The following KIAA2012 variants were observed in gnomAD, a reference collection of about 807,000 sequenced individuals.
KIAA2012 encodes KIAA2012, also known as uncharacterized protein KIAA2012.
In KIAA2012, 125 loss-of-function variants were observed where a neutral mutation model predicts 150.6. The observed-to-expected ratio is 0.83, with a 90% confidence interval of 0.72 to 0.96. The LOEUF (loss-of-function observed/expected upper bound fraction) is 0.96, where lower values mean the gene tolerates loss of function less well. Among genes scored for constraint, KIAA2012 ranks in the 40% least tolerant of loss-of-function variants. KIAA2012 has a pLI of 0.00. For missense variants in KIAA2012, 1,219 were observed against 1,354.9 expected (o/e 0.90, Z 1.57); for synonymous variants, 462 against 504.7 (o/e 0.92, Z 1.13).
At chr2:202,152,309 G>A (rs1691443184) in intron 13 of KIAA2012, among the ~76,000 whole-genome samples, 1 of 152,118 alleles carries the variant, frequency 6.6e-6, no homozygotes, top group Non-Finnish European at 1.5e-5. Context: ...TTAGGGAGAT[G>A]AGCCATATGG....
At chr2:202,168,989 T>C (rs1691829561) in intron 15 of KIAA2012, among the ~76,000 whole-genome samples, 1 of 152,230 alleles carries the variant, frequency 6.6e-6, no homozygotes, top group Non-Finnish European at 1.5e-5. Flanking sequence ...ACAACTGTTC[T>C]AACAAAGGCC....
At position 202,103,059 on chromosome 2, in the gene KIAA2012, G is replaced by A. The variant is rs746730281; in HGVS notation, c.1269G>A (p.Pro423=). Residue 423 remains proline, a synonymous_variant, in exon 8 of 24, where the codon CCG becomes CCA. Transcript: ENST00000498697. ...CCCCAACAGAGCTCTTCATCTTACC[G>A]GTGGAGATTCATTACCACACCAAAC... ...NEPPTELFIL[P]VEIHYHTKQP... 3.0e-5 allele frequency: 46 copies of A among 1,550,388 alleles called. No homozygotes were observed. Among genetic ancestry groups the A allele is most frequent in the African/African-American group, 4.1e-5 (3 of 72,994 alleles).
rs538586815 is a variant in KIAA2012 at position 202,168,370 on chromosome 2, G to T, written c.2119+3014G>T. On this transcript the variant is annotated intron_variant, in intron 15 of 23. Transcript: ENST00000498697. ...GGAGGCGGAGGTTGCAGTGAGCCGA[G>T]ATTGTGCCACTGCATTCCAGCCTGA... Among the ~76,000 whole-genome samples, 4 of 141,142 alleles carry T rather than the reference G, an allele frequency of 2.8e-5. 1 individual carries two copies. The highest frequency in any genetic ancestry group is 1.1e-4 in the African/African-American group (4 of 37,204). The allele number at this position is 141,142 out of a possible 152,430, so 92.6% of individuals were successfully genotyped here.
intron 11 of KIAA2012, among the ~76,000 whole-genome samples, chr2:202,117,937 T>C (rs1690567608): frequency 6.6e-6 from 1 of 152,252 alleles, no homozygotes; most frequent in East Asian, 1.9e-4. Flanking sequence ...AAAAAGTTTT[T>C]GGCAAACTTT....
chr2:202,204,432 C>T (rs1692601255), intron 23 of KIAA2012, among the ~76,000 whole-genome samples: 2 of 151,976 alleles, frequency 1.3e-5, no homozygotes, highest in African/African-American at 4.8e-5. Context: ...ATAAAATATC[C>T]CTTTAACAAA....
chr2:202,169,110 A>T (rs1691831565), intron 15 of KIAA2012, among the ~76,000 whole-genome samples: 1 of 152,166 alleles, frequency 6.6e-6, no homozygotes, highest in African/African-American at 2.4e-5. Flanking sequence ...CAATTGCACA[A>T]ATGCTTAATT....
At chr2:202,110,207 G>C (rs1690310037) in intron 10 of KIAA2012, among the ~76,000 whole-genome samples, 1 of 152,220 alleles carries the variant, frequency 6.6e-6, no homozygotes, top group Admixed American at 6.5e-5. Flanking sequence ...GCCCAGGGCA[G>C]AGCCTGTTCA....
Position 202,073,545 on chromosome 2 carries a change from TC to T in KIAA2012, c.-82del. The T allele has an allele frequency of 8.2e-7, 1 of 1,217,400 alleles. No individual in the cohort carries two copies. Among genetic ancestry groups the T allele is most frequent in the Non-Finnish European group, 1.2e-6 (1 of 855,928 alleles). 75.4% of individuals were successfully genotyped at this position (1,217,400 alleles called of 1,614,324 possible). ...TGGTCTTCTTGGGCTTGCTGTGAGCTCTGGAAATCTTGAGGTGTGACCAGAT... is the reference window on the plus strand; with the variant it reads ...TGGTCTTCTTGGGCTTGCTGTGAGCTTGGAAATCTTGAGGTGTGACCAGAT... On this transcript the variant is annotated 5_prime_UTR_variant, in exon 1 of 24. Coordinates refer to ENST00000498697, the MANE Select transcript of KIAA2012 (RefSeq NM_001277372.4).
chr2:202,172,040 T>A (rs1691904963), intron 15 of KIAA2012, among the ~76,000 whole-genome samples: 1 of 152,166 alleles, frequency 6.6e-6, no homozygotes, highest in African/African-American at 2.4e-5. Flanking sequence ...AGAGACGGGT[T>A]TTCGCCAGGC....
chr2:202,182,985 A>G (rs961497830), intron 15 of KIAA2012, among the ~76,000 whole-genome samples: 4 of 152,232 alleles, frequency 2.6e-5, no homozygotes, highest in Non-Finnish European at 5.9e-5. Flanking sequence ...CTAAAACAAG[A>G]TGTAGACTAG....
intron 4 of KIAA2012, among the ~76,000 whole-genome samples, chr2:202,096,950 C>T (rs927358469): frequency 8.5e-5 from 13 of 152,158 alleles, no homozygotes; most frequent in Non-Finnish European, 1.5e-4. Context: ...TCGGCAGAGG[C>T]TTTTCCACAA....
intron 22 of KIAA2012, among the ~76,000 whole-genome samples, chr2:202,199,208 C>A (rs1692467887): frequency 6.6e-6 from 1 of 152,152 alleles, no homozygotes; most frequent in African/African-American, 2.4e-5. Context: ...TACTAACTGG[C>A]TTTATTTCAT....
At chr2:202,091,476 C>T (rs1380334523) in intron 3 of KIAA2012, among the ~76,000 whole-genome samples, 1 of 152,110 alleles carries the variant, frequency 6.6e-6, no homozygotes, top group African/African-American at 2.4e-5. Context: ...CCAGCGCAAT[C>T]CATTAGGAGT....
At chr2:202,096,843 T>G (rs1259819166) in intron 4 of KIAA2012, among the ~76,000 whole-genome samples, 2 of 152,232 alleles carry the variant, frequency 1.3e-5, no homozygotes, top group Non-Finnish European at 1.5e-5. Flanking sequence ...GAAAGACTTG[T>G]TAACTATGTT....
chr2:202,076,603 C>T (rs550834839), intron 2 of KIAA2012, among the ~76,000 whole-genome samples: 47 of 152,134 alleles, frequency 3.1e-4, no homozygotes, highest in Non-Finnish European at 5.9e-4. Context: ...AGACCCTGTG[C>T]GATATAGTTT....
At chr2:202,123,510 G>A (rs1247050114) in intron 11 of KIAA2012, among the ~76,000 whole-genome samples, 5 of 151,968 alleles carry the variant, frequency 3.3e-5, no homozygotes, top group South Asian at 2.1e-4. Flanking sequence ...ATCCCAGGCC[G>A]CCTGCTCAGC....
chr2:202,074,978 C>T lies in KIAA2012; in HGVS notation c.172C>T (p.Leu58Phe), dbSNP rs947417018. The T allele has an allele frequency of 1.2e-5, 18 of 1,550,752 alleles. No individual in the cohort carries two copies. The highest frequency in any genetic ancestry group is 1.6e-5 in the Non-Finnish European group (18 of 1,147,068). The change falls in exon 2 of 24, where the codon CTC becomes TTC. Residue 58 changes from leucine (L) to phenylalanine (F), a missense_variant. Physicochemically the swap from Leu to Phe is conservative, Grantham distance 22. Transcript: ENST00000498697. ...KNNASQHSWS[L>F]FLPKTFSTRK... Reference sequence around the variant, plus strand: ...CAATGCCAGTCAGCACTCCTGGAGCCTCTTTCTCCCTAAAACTTTCAGTAC... The same window carrying T: ...CAATGCCAGTCAGCACTCCTGGAGCTTCTTTCTCCCTAAAACTTTCAGTAC...
chr2:202,152,397 C>T (rs1373705851), intron 13 of KIAA2012, among the ~76,000 whole-genome samples: 1 of 152,142 alleles, frequency 6.6e-6, no homozygotes, highest in Non-Finnish European at 1.5e-5. Context: ...TCAACTCCCC[C>T]ACTCTTCAAT....
chr2:202,154,925 T>A (rs1691493941), intron 14 of KIAA2012, 115 bp downstream of exon 14: 1 of 1,212,952 alleles, frequency 8.2e-7, no homozygotes, highest in Non-Finnish European at 1.1e-6. Context: ...GCTCCTGCAT[T>A]ATCAGAAGGG....
Sources: allele counts gnomAD v4.1 joint callset (sites outside exome capture counted in the v4.1 genomes callset), GRCh38; gene constraint gnomAD v4.1.1; transcripts MANE v1.5; gene names NCBI Gene and HGNC (gene_info 2026-07-23, HGNC 2026-07-21).